CCSER1: variants seen among roughly 807,000 people sequenced by gnomAD.
CCSER1 encodes coiled-coil serine rich protein 1, also known as serine-rich coiled-coil domain-containing protein 1.
CCSER1 carries 41 observed loss-of-function variants against 82.0 expected under a neutral mutation model. That is an observed-to-expected ratio of 0.50 (90% confidence interval 0.39 to 0.65). The LOEUF (loss-of-function observed/expected upper bound fraction) is 0.65, where lower values mean the gene tolerates loss of function less well. CCSER1 is among the 30% of genes least tolerant of loss of function. CCSER1 has a pLI of 0.00. For synonymous variants in CCSER1, 414 were observed against 383.9 expected (o/e 1.08, Z -0.92); for missense variants, 1,119 against 1,064.2 (o/e 1.05, Z -0.72).
chr4:90,943,754 T>TTTTTTTTTTTTTTC (rs1731885127), intron 9 of CCSER1, among the ~76,000 whole-genome samples: 1 of 98,068 alleles, frequency 1.0e-5, no homozygotes, highest in Non-Finnish European at 2.4e-5. Context: ...TTTTTTTTTT[T>TTTTTTTTTTTTTTC]TTTTGGAGAT....
chr4:91,025,171 A>G (rs180695674), intron 9 of CCSER1, among the ~76,000 whole-genome samples: 29 of 152,234 alleles, frequency 1.9e-4, no homozygotes, highest in Admixed American at 1.9e-3. Context: ...ATTTTTCAGA[A>G]TATATTTGTC....
At chr4:91,316,046 T>G (rs1286445072) in intron 10 of CCSER1, among the ~76,000 whole-genome samples, 1 of 152,094 alleles carries the variant, frequency 6.6e-6, no homozygotes, top group South Asian at 2.1e-4. Flanking sequence ...GATCTGATGG[T>G]TTTACATAGG....
At chr4:90,483,445 T>C (rs1485740497) in intron 5 of CCSER1, among the ~76,000 whole-genome samples, 2 of 152,234 alleles carry the variant, frequency 1.3e-5, no homozygotes, top group African/African-American at 2.4e-5. Context: ...TGCTTGTTAG[T>C]TGATGCAGTT....
chr4:91,586,750 A>G (rs976324629), intron 10 of CCSER1, among the ~76,000 whole-genome samples: 83 of 151,820 alleles, frequency 5.5e-4, no homozygotes, highest in African/African-American at 1.9e-3. Flanking sequence ...ATGTTGTACC[A>G]CACATTTTTC....
chr4:90,204,542 A>G (rs1292078511), intron 1 of CCSER1, among the ~76,000 whole-genome samples: 2 of 152,090 alleles, frequency 1.3e-5, no homozygotes, highest in East Asian at 3.9e-4. Flanking sequence ...GTTGTGTTCC[A>G]TTGGTCTATA....
At chr4:91,045,394 T>C (rs1742361480) in intron 9 of CCSER1, among the ~76,000 whole-genome samples, 1 of 152,340 alleles carries the variant, frequency 6.6e-6, no homozygotes, top group African/African-American at 2.4e-5. Flanking sequence ...GGCATATTTT[T>C]GTAGATTTTA....
intron 10 of CCSER1, among the ~76,000 whole-genome samples, chr4:91,545,036 C>T (rs1761814142): frequency 6.6e-6 from 1 of 151,998 alleles, no homozygotes; most frequent in African/African-American, 2.4e-5. Context: ...GGTGGATGCC[C>T]CTCCCCCAGC....
chr4:90,623,947 C>T (rs17017288), intron 5 of CCSER1, among the ~76,000 whole-genome samples: 4,359 of 152,140 alleles, frequency 0.029, 202 homozygotes, highest in African/African-American at 0.1. Flanking sequence ...TTAAACTCAC[C>T]GTAAATAACC....
chr4:90,411,858 T>C (rs113440892), intron 4 of CCSER1, among the ~76,000 whole-genome samples: 19 of 152,258 alleles, frequency 1.2e-4, no homozygotes, highest in African/African-American at 3.8e-4. Flanking sequence ...AACATGATTG[T>C]ACATCTAGAA....
intron 10 of CCSER1, among the ~76,000 whole-genome samples, chr4:91,425,716 A>G (rs899416553): frequency 6.6e-6 from 1 of 152,214 alleles, no homozygotes; most frequent in African/African-American, 2.4e-5. Context: ...GTTGGTTTCC[A>G]TAGACTGGTA....
intron 10 of CCSER1, among the ~76,000 whole-genome samples, chr4:91,512,355 T>G (rs1231514872): frequency 6.6e-6 from 1 of 152,180 alleles, no homozygotes; most frequent in Admixed American, 6.5e-5. Context: ...CCATCCTGGA[T>G]GCTTTCTATC....
intron 10 of CCSER1, among the ~76,000 whole-genome samples, chr4:91,214,281 A>G (rs1189571117): frequency 1.3e-5 from 2 of 152,168 alleles, no homozygotes; most frequent in Non-Finnish European, 2.9e-5. Context: ...GCCCACATAA[A>G]TATGTAGGTA....
At chr4:90,861,374 C>T (rs907726931) in intron 8 of CCSER1, among the ~76,000 whole-genome samples, 2 of 151,656 alleles carry the variant, frequency 1.3e-5, no homozygotes, top group African/African-American at 4.8e-5. Context: ...AAAGCAATAA[C>T]ACAGTATTAT....
intron 7 of CCSER1, among the ~76,000 whole-genome samples, chr4:90,749,898 A>C (rs1207192989): frequency 6.6e-6 from 1 of 151,936 alleles, no homozygotes; most frequent in African/African-American, 2.4e-5. Flanking sequence ...ACTAGTTTAC[A>C]GTCCCACCAA....
intron 7 of CCSER1, among the ~76,000 whole-genome samples, chr4:90,791,895 G>A (rs988415049): frequency 1.3e-5 from 2 of 150,860 alleles, no homozygotes; most frequent in African/African-American, 4.9e-5. Context: ...CTAAAGTATA[G>A]GCTAAATGTA....
intron 10 of CCSER1, among the ~76,000 whole-genome samples, chr4:91,439,690 C>A (rs1270474617): frequency 2.0e-5 from 3 of 152,086 alleles, no homozygotes; most frequent in Middle Eastern, 6.8e-3. Context: ...AGAGTCAAGA[C>A]CCATCAGTGT....
intron 10 of CCSER1, among the ~76,000 whole-genome samples, chr4:91,330,074 C>T (rs1019609231): frequency 7.2e-5 from 11 of 151,950 alleles, no homozygotes; most frequent in Admixed American, 2.0e-4. Flanking sequence ...TAATTTTTTG[C>T]CTTTACTTTT....
In CCSER1 at chr4:90,943,198, A is replaced by G. The variant is rs965955381; in HGVS notation, c.2172+19751A>G. 3.3e-5 allele frequency among the ~76,000 whole-genome samples: 5 copies of G among 152,230 alleles called. No homozygotes were observed. In the East Asian group the frequency reaches 7.7e-4, roughly 23 times the overall value. ...GTACATTTTCACTAAAGATAACAAC[A>G]GTAAGCTTGAAAGAACAAGTAACTT... On this transcript the variant is annotated intron_variant, in intron 9 of 10. Transcript: ENST00000509176.
At chr4:91,545,681 CTTT>C (rs1761852761) in intron 10 of CCSER1, among the ~76,000 whole-genome samples, 2 of 151,926 alleles carry the variant, frequency 1.3e-5, no homozygotes, top group African/African-American at 4.8e-5. Flanking sequence ...AGAAGGGCTT[CTTT>C]TGTTTATTTT....
Sources: gnomAD v4.1 joint callset for allele counts (sites outside exome capture counted in the v4.1 genomes callset) on GRCh38, gnomAD v4.1.1 for gene constraint, MANE v1.5 for transcripts, NCBI Gene and HGNC (gene_info 2026-07-23, HGNC 2026-07-21) for gene names.